RBFOX1: variants seen among roughly 807,000 people sequenced by gnomAD.
RBFOX1 encodes the protein RNA binding fox-1 homolog 1.
Under a neutral mutation model 57.7 loss-of-function variants are expected in RBFOX1, and 8 were observed. The ratio of observed to expected loss-of-function variants is 0.14; its 90% confidence interval spans 0.08 to 0.25. The LOEUF is 0.25. RBFOX1 is among the 10% of genes least tolerant of loss of function. The probability of loss-of-function intolerance (pLI) is 1.00; values close to 1 mark genes in which losing one functional copy is unlikely to be tolerated. For missense variants in RBFOX1, 611 were observed against 548.5 expected, an observed-to-expected ratio of 1.11 and a Z score of -1.14; for synonymous variants, 326 against 222.4, an observed-to-expected ratio of 1.47 and a Z score of -4.15.
At chr16:6,629,154 T>C (rs2098350616) in intron 2 of RBFOX1, among the ~76,000 whole-genome samples, 1 of 152,244 alleles carries the variant, frequency 6.6e-6, no homozygotes, top group Admixed American at 6.5e-5. Flanking sequence ...ATAATTTACA[T>C]TGATAAGAAT....
At chr16:7,290,743 A>C (rs987420573) in intron 4 of RBFOX1, among the ~76,000 whole-genome samples, 1 of 152,238 alleles carries the variant, frequency 6.6e-6, no homozygotes, top group Non-Finnish European at 1.5e-5. Flanking sequence ...CCGTGTGTAC[A>C]GGATGGGGGC....
chr16:7,298,285 G>GTTTTTTTTTTTTTTTTTTT (rs201092743), intron 4 of RBFOX1, among the ~76,000 whole-genome samples: 3 of 96,592 alleles, frequency 3.1e-5, no homozygotes, highest in Non-Finnish European at 4.2e-5. Flanking sequence ...GTTTTTTTTT[G>GTTTTTTTTTTTTTTTTTTT]TTTTTTTTTT....
chr16:5,770,030 A>G (rs1454201563), intron 3 of RBFOX1, among the ~76,000 whole-genome samples: 6 of 152,208 alleles, frequency 3.9e-5, no homozygotes, highest in South Asian at 2.1e-4. Context: ...AAGCTAAACT[A>G]TAGAGAAGAT....
chr16:6,253,868 C>T (rs10500337), intron 1 of RBFOX1, among the ~76,000 whole-genome samples: 89,245 of 151,706 alleles, frequency 0.59, 28,794 homozygotes, highest in East Asian at 0.81. Flanking sequence ...TGGTATTCCT[C>T]TTTGGAGCAG....
chr16:7,700,148 C>CCAATTCA (rs2080188506), intron 14 of RBFOX1, among the ~76,000 whole-genome samples: 1 of 152,026 alleles, frequency 6.6e-6, no homozygotes, highest in South Asian at 2.1e-4. Flanking sequence ...GATCATCAAT[C>CCAATTCA]CAATTCAGGG....
At chr16:6,264,506 C>T (rs1172499659) in intron 1 of RBFOX1, among the ~76,000 whole-genome samples, 1 of 152,166 alleles carries the variant, frequency 6.6e-6, no homozygotes, top group East Asian at 1.9e-4. Flanking sequence ...GCATCAGGCC[C>T]ATCGGTTCTC....
intron 2 of RBFOX1, among the ~76,000 whole-genome samples, chr16:6,513,623 A>G (rs766591260): frequency 6.6e-6 from 1 of 152,152 alleles, no homozygotes; most frequent in Non-Finnish European, 1.5e-5. Context: ...AATGACAGCT[A>G]TTCGGGAGGC....
chr16:6,251,434 G>A (rs936317707), intron 1 of RBFOX1, among the ~76,000 whole-genome samples: 3 of 152,100 alleles, frequency 2.0e-5, no homozygotes, highest in East Asian at 1.9e-4. Context: ...CTGAACTAAG[G>A]TCCTTAGGTC....
chr16:5,487,820 G>A (rs1334142666), intron 2 of RBFOX1, among the ~76,000 whole-genome samples: 1 of 152,148 alleles, frequency 6.6e-6, no homozygotes, highest in East Asian at 1.9e-4. Context: ...AGTAGTGGGA[G>A]TGATGATGAT....
Position 7,712,058 on chromosome 16 carries a change from A to T in RBFOX1, c.*1313A>T, listed in dbSNP as rs1218682210. The T allele has an allele frequency of 6.6e-6, 1 of 152,522 alleles. No individual in the cohort carries two copies. The highest frequency in any genetic ancestry group is 1.5e-5 in the Non-Finnish European group (1 of 68,030). 9.4% of individuals were successfully genotyped at this position (152,522 alleles called of 1,614,324 possible). ...AGAAAAAAGTACATCCACCCTCTTA[A>T]TCCCAAAAGAACAAAGTCTCCCCAC... is the stretch of plus-strand genomic sequence containing the variant. On this transcript the variant is annotated 3_prime_UTR_variant, in exon 16 of 16. Transcript: ENST00000550418.
intron 3 of RBFOX1, among the ~76,000 whole-genome samples, chr16:5,645,829 C>T (rs576247688): frequency 4.7e-4 from 72 of 152,234 alleles, no homozygotes; most frequent in Non-Finnish European, 8.4e-4. Context: ...CCACATCTGG[C>T]TAATTTTTTT....
intron 3 of RBFOX1, among the ~76,000 whole-genome samples, chr16:6,765,917 G>C (rs2077257384): frequency 6.6e-6 from 1 of 152,112 alleles, no homozygotes; most frequent in South Asian, 2.1e-4. Context: ...ACTTGTAAGT[G>C]GGAACTAAGG....
intron 3 of RBFOX1, among the ~76,000 whole-genome samples, chr16:7,044,285 C>G (rs1177718671): frequency 6.6e-6 from 1 of 152,106 alleles, no homozygotes; most frequent in Non-Finnish European, 1.5e-5. Context: ...GGAAAGCCAC[C>G]TAAGGCTCAG....
intron 4 of RBFOX1, among the ~76,000 whole-genome samples, chr16:7,348,606 G>A (rs1395927852): frequency 1.3e-5 from 2 of 152,108 alleles, no homozygotes; most frequent in African/African-American, 4.8e-5. Flanking sequence ...AGAAGATAGG[G>A]ACAAAGAAGA....
rs527584634 is a variant in RBFOX1, at chr16:5,880,442, C to T, written c.351+13107C>T. Among the ~76,000 whole-genome samples, 7 of 152,256 alleles carry T rather than the reference C, an allele frequency of 4.6e-5. No individual in the cohort carries two copies. In the East Asian group the frequency reaches 1.4e-3, roughly 29 times the overall value. On this transcript the variant is annotated intron_variant, in intron 4 of 19. Transcript: ENST00000641259. ...CTCCAAGGGATGATACGAGTGATGT[C>T]CAAGTTTGTGCAGAATTTATTACTT...
chr16:5,565,281 G>T (rs183987773), intron 2 of RBFOX1, among the ~76,000 whole-genome samples: 1 of 152,082 alleles, frequency 6.6e-6, no homozygotes, highest in Non-Finnish European at 1.5e-5. Context: ...GTGTGTGCAC[G>T]TGCGTGCGTG....
intron 3 of RBFOX1, among the ~76,000 whole-genome samples, chr16:5,647,093 C>G (rs2049079815): frequency 6.6e-6 from 1 of 152,126 alleles, no homozygotes; most frequent in Non-Finnish European, 1.5e-5. Context: ...TTGTTAAATG[C>G]CTGTGGACTC....
intron 2 of RBFOX1, among the ~76,000 whole-genome samples, chr16:6,532,463 C>G (rs912312925): frequency 6.6e-6 from 1 of 152,144 alleles, no homozygotes; most frequent in African/African-American, 2.4e-5. Context: ...GGAGGACCCT[C>G]CAGTTACTTT....
At chr16:7,186,239 T>A (rs1234646592) in intron 4 of RBFOX1, among the ~76,000 whole-genome samples, 3 of 73,980 alleles carry the variant, frequency 4.1e-5, no homozygotes, top group Non-Finnish European at 7.1e-5. Context: ...TAAACATATT[T>A]ATATAAACAT....
Sources: allele counts gnomAD v4.1 joint callset (sites outside exome capture counted in the v4.1 genomes callset), GRCh38; gene constraint gnomAD v4.1.1; transcripts MANE v1.5; gene names NCBI Gene and HGNC (gene_info 2026-07-23, HGNC 2026-07-21).